TRIM9: variants seen among roughly 807,000 people sequenced by gnomAD.
TRIM9 encodes E3 ubiquitin-protein ligase TRIM9.
A neutral mutation model predicts 78.3 loss-of-function variants in TRIM9; 26 were observed. The observed-to-expected ratio is 0.33, with a 90% CI of 0.24 to 0.46. The LOEUF (loss-of-function observed/expected upper bound fraction) is 0.46, where lower values mean the gene tolerates loss of function less well. Ranked by LOEUF, TRIM9 falls within the 20% of genes least tolerant of loss-of-function variation. TRIM9 has a pLI of 1.00. For missense variants in TRIM9, 787 were observed against 1,036.4 expected (o/e 0.76, Z 3.30); for synonymous variants, 398 against 416.5 (o/e 0.96, Z 0.54).
In TRIM9 at chr14:51,010,372, G is replaced by A. The variant is rs1036749689; in HGVS notation, c.1152+12C>T. 14 of 1,601,250 alleles carry A rather than the reference G, an allele frequency of 8.7e-6. No individual in the cohort carries two copies. The African/African-American group carries it at 1.6e-4, about 18-fold the overall frequency. ...CATTTAGAATCTGACGCAGAAACTA[G>A]TTAACTCTTACCTGCAAAAAACCAC... On this transcript the variant is annotated intron_variant, in intron 4 of 12. Coordinates refer to ENST00000684578, the MANE Select transcript of TRIM9 (RefSeq NM_001387360.1).
At chr14:51,034,666 C>A (rs2058994333) in intron 1 of TRIM9, among the ~76,000 whole-genome samples, 1 of 152,070 alleles carries the variant, frequency 6.6e-6, no homozygotes, top group African/African-American at 2.4e-5. Context: ...CAGCTCTTTG[C>A]AACAAGATGG....
intron 7 of TRIM9, among the ~76,000 whole-genome samples, chr14:50,987,561 C>T (rs1315786567): frequency 6.6e-6 from 1 of 152,106 alleles, no homozygotes; most frequent in Non-Finnish European, 1.5e-5. Context: ...TTTTCTCCTA[C>T]CTAAACTTCA....
At position 50,983,384 on chromosome 14, in the gene TRIM9, T is replaced by C. The variant is rs1223256088; in HGVS notation, c.1830A>G (p.Gln610=). The C allele has an allele frequency of 6.5e-7, 1 of 1,542,000 alleles. No homozygotes were observed. The highest frequency in any genetic ancestry group is 8.8e-7 in the Non-Finnish European group (1 of 1,141,488). Residue 610 remains glutamine (Q), a synonymous_variant, in exon 9 of 13, where the codon CAA becomes CAG. Transcript: ENST00000684578. The part of the protein sequence containing the change: ...NFETQSAPYS[Q]LVDIKKLLAV... The stretch of plus-strand genomic sequence containing the variant: ...AATTACAATAGGTATACTTGCCTAA[T>C]TGAGAGTAAGGTGCAGATTGTGTCT...
chr14:51,077,831 C>T (rs1289460168), intron 1 of TRIM9, among the ~76,000 whole-genome samples: 1 of 152,174 alleles, frequency 6.6e-6, no homozygotes, highest in East Asian at 1.9e-4. Context: ...ACCTTGGTTT[C>T]AATACATTAT....
Position 51,094,111 on chromosome 14 carries a change from G to T in TRIM9, c.822+7C>A. 6.2e-7 allele frequency: 1 copy of T among 1,605,826 alleles called. No homozygotes were observed. The highest frequency in any genetic ancestry group is 8.5e-7 in the Non-Finnish European group (1 of 1,173,776). ...GGGAGTTAGGAGTGGGTTTTCTTAG[G>T]ACTCACCTTATGTAGTTTCCACATG... On this transcript the variant is annotated splice_region_variant and intron_variant, in intron 1 of 12. Transcript: ENST00000684578.
At chr14:51,011,036 G>T (rs74055308) in intron 3 of TRIM9, among the ~76,000 whole-genome samples, 246 of 152,244 alleles carry the variant, frequency 1.6e-3, no homozygotes, top group African/African-American at 5.5e-3. Context: ...GGATGGTGGG[G>T]GACCTGGAAG....
chr14:51,024,116 T>C lies in TRIM9; in HGVS notation c.918+1149A>G, dbSNP rs539656279. Among the ~76,000 whole-genome samples, 9 of 152,328 alleles carry C rather than the reference T, an allele frequency of 5.9e-5. No individual in the cohort carries two copies. In the South Asian group the frequency reaches 1.9e-3, roughly 32 times the overall value. ...TGGAAAACATCATTTAAGAGCTCTC[T>C]ATGCCACATGCAGGGTAATATTGGA... On this transcript the variant is annotated intron_variant, in intron 2 of 12. Transcript: ENST00000684578.
chr14:51,022,305 G>A (rs1233243734), intron 3 of TRIM9, among the ~76,000 whole-genome samples: 1 of 152,140 alleles, frequency 6.6e-6, no homozygotes, highest in East Asian at 1.9e-4. Context: ...CCAATAAAAG[G>A]TTGAAGTTTG....
intron 1 of TRIM9, among the ~76,000 whole-genome samples, chr14:51,046,969 T>C (rs1321223169): frequency 6.6e-6 from 1 of 152,214 alleles, no homozygotes; most frequent in East Asian, 1.9e-4. Context: ...CATGTATGTA[T>C]AGTAAGACTG....
At chr14:51,073,020 G>A (rs954939767) in intron 1 of TRIM9, among the ~76,000 whole-genome samples, 10 of 151,994 alleles carry the variant, frequency 6.6e-5, no homozygotes, top group Admixed American at 2.0e-4. Flanking sequence ...CAATGGAAAA[G>A]TGGGTAAATG....
chr14:51,082,791 G>A (rs771731564), intron 1 of TRIM9, among the ~76,000 whole-genome samples: 1 of 152,178 alleles, frequency 6.6e-6, no homozygotes, highest in Non-Finnish European at 1.5e-5. Flanking sequence ...AAAGTGACTT[G>A]TTGTTCCCAT....
At chr14:51,036,823 C>G (rs1164601133) in intron 1 of TRIM9, among the ~76,000 whole-genome samples, 2 of 152,170 alleles carry the variant, frequency 1.3e-5, no homozygotes, top group African/African-American at 2.4e-5. Context: ...TTAACTTAAT[C>G]TGACAGTTTT....
chr14:51,029,178 C>A (rs1556927), intron 1 of TRIM9, among the ~76,000 whole-genome samples: 80,049 of 151,954 alleles, frequency 0.53, 22,996 homozygotes, highest in African/African-American at 0.76. Flanking sequence ...TATTGGATAG[C>A]GATAAACTGG....
intron 1 of TRIM9, among the ~76,000 whole-genome samples, chr14:51,057,910 TAAAGAC>T (rs1449186997): frequency 6.6e-6 from 1 of 152,206 alleles, no homozygotes; most frequent in Non-Finnish European, 1.5e-5. Flanking sequence ...AAAGATCAGT[TAAAGAC>T]AATTTATTGA....
At chr14:51,075,469 A>G (rs1386254488) in intron 1 of TRIM9, among the ~76,000 whole-genome samples, 3 of 152,184 alleles carry the variant, frequency 2.0e-5, no homozygotes, top group Non-Finnish European at 4.4e-5. Context: ...TATACCAAAG[A>G]TTTGTCTTTA....
At position 50,977,126 on chromosome 14, in the gene TRIM9, G is replaced by C. The variant is rs2051148049; in HGVS notation, c.*165C>G. 3 of 420,292 alleles carry C rather than the reference G, an allele frequency of 7.1e-6. No individual in the cohort carries two copies. The East Asian group carries it at 1.1e-4, about 15-fold the overall frequency. The allele number at this position is 420,292 out of a possible 1,614,324, so 26.0% of individuals were successfully genotyped here. A position where few individuals can be genotyped will look rare whatever the true frequency, so the allele number is the denominator to read the frequency against. ...TGACAGCGGAGGAGAGGTTGAAAGGGAAAAGGGCAGAGCTGTGGGTGTAAA... is the reference window on the plus strand; with the variant it reads ...TGACAGCGGAGGAGAGGTTGAAAGGCAAAAGGGCAGAGCTGTGGGTGTAAA... On this transcript the variant is annotated 3_prime_UTR_variant, in exon 13 of 13. Transcript: ENST00000684578.
chr14:50,979,608 C>G (rs1414884192), intron 11 of TRIM9, 59 bp from the exon 12 acceptor site: 35 of 1,446,938 alleles, frequency 2.4e-5, no homozygotes, highest in Non-Finnish European at 2.8e-5. Flanking sequence ...GAAGCTCCCC[C>G]CTTTTGTGTG....
rs188188315 is a variant in TRIM9 at position 51,069,043 on chromosome 14, T to C, written c.822+25075A>G. On this transcript the variant is annotated intron_variant, in intron 1 of 12. Coordinates refer to ENST00000684578, the MANE Select transcript of TRIM9 (RefSeq NM_001387360.1). ...GCCAGTTAGGAGATTATTTCAATAG[T>C]GTAGGTGAAAGGACATAGGGGACTA... Among the ~76,000 whole-genome samples the C allele has an allele frequency of 9.9e-5, 15 of 152,166 alleles. No homozygotes were observed. The East Asian group carries it at 2.5e-3, about 25-fold the overall frequency.
intron 1 of TRIM9, among the ~76,000 whole-genome samples, chr14:51,071,661 C>G (rs1428251016): frequency 6.6e-6 from 1 of 151,936 alleles, no homozygotes. Flanking sequence ...AAAAAATTAA[C>G]CAGGCGTGGT....
Sources: gnomAD v4.1 joint callset for allele counts (sites outside exome capture counted in the v4.1 genomes callset) on GRCh38, gnomAD v4.1.1 for gene constraint, MANE v1.5 for transcripts, NCBI Gene and HGNC (gene_info 2026-07-23, HGNC 2026-07-21) for gene names.